WWP1: variants seen among roughly 807,000 people sequenced by gnomAD.
WWP1 encodes the protein WW domain containing E3 ubiquitin protein ligase 1, also known as NEDD4-like E3 ubiquitin-protein ligase WWP1.
Under a neutral mutation model 130.6 loss-of-function variants are expected in WWP1, and 49 were observed. That is an observed-to-expected ratio of 0.38 (90% CI 0.30 to 0.48). The LOEUF is 0.48. Among genes scored for constraint, WWP1 ranks in the 20% least tolerant of loss-of-function variants. WWP1 has a pLI of 0.99. For missense variants in WWP1, 809 were observed against 1,100.6 expected (o/e 0.74, Z 3.75); for synonymous variants, 332 against 367.8 (o/e 0.90, Z 1.11).
chr8:86,419,894 C>A (rs1024493801), intron 9 of WWP1, among the ~76,000 whole-genome samples: 1 of 152,078 alleles, frequency 6.6e-6, no homozygotes, highest in Admixed American at 6.5e-5. Context: ...AGAATCAACA[C>A]GAAAAGCTAG....
At position 86,448,485 on chromosome 8, in the gene WWP1, A is replaced by G; in HGVS notation, c.2245A>G (p.Thr749Ala). ...GTTGGGAGGTTCCAATATTCTGGTGACTGAGGAGAACAAAGATGAATATAT... is the reference window on the plus strand; with the variant it reads ...GTTGGGAGGTTCCAATATTCTGGTGGCTGAGGAGAACAAAGATGAATATAT... ...LKLGGSNILV[T>A]EENKDEYIGL... The change falls in exon 20 of 25, where the codon ACT becomes GCT. Residue 749 changes from threonine to alanine, a missense_variant. Thr to Ala is a moderately conservative substitution (Grantham distance 58, BLOSUM62 0). Transcript: ENST00000517970. The G allele has an allele frequency of 6.2e-7, 1 of 1,613,572 alleles. No homozygotes were observed. Among genetic ancestry groups the G allele is most frequent in the Non-Finnish European group, 8.5e-7 (1 of 1,179,842 alleles).
intron 24 of WWP1, among the ~76,000 whole-genome samples, chr8:86,464,730 G>T (rs1210215003): frequency 6.6e-6 from 1 of 152,040 alleles, no homozygotes; most frequent in Non-Finnish European, 1.5e-5. Flanking sequence ...TGTCCCAGGT[G>T]GGTCTTAAAC....
intron 7 of WWP1, among the ~76,000 whole-genome samples, chr8:86,401,565 AG>A (rs1416696907): frequency 3.4e-5 from 5 of 145,192 alleles, no homozygotes; most frequent in Admixed American, 2.0e-4. Flanking sequence ...AAAAAAAAAA[AG>A]TTTACAGTAG....
At chr8:86,422,528 A>AT (rs949666383) in intron 9 of WWP1, among the ~76,000 whole-genome samples, 36 of 146,278 alleles carry the variant, frequency 2.5e-4, no homozygotes, top group Non-Finnish European at 3.0e-4. Context: ...TGGCTGGCTA[A>AT]TTTTTTTTTT....
At chr8:86,362,063 C>CATATATATACACACATATATACACACAT (rs1563465475) in intron 1 of WWP1, among the ~76,000 whole-genome samples, 39 of 131,946 alleles carry the variant, frequency 3.0e-4, no homozygotes, top group Admixed American at 1.7e-3. Context: ...TATATACACA[C>CATATATATACACACATATATACACACAT]ATATATATAC....
chr8:86,393,875 G>C (rs958005006), intron 5 of WWP1, among the ~76,000 whole-genome samples: 15 of 152,296 alleles, frequency 9.8e-5, no homozygotes, highest in African/African-American at 3.1e-4. Flanking sequence ...AGAAGTGATG[G>C]TGTACAAACT....
chr8:86,374,307 C>T (rs1391467517), intron 3 of WWP1, among the ~76,000 whole-genome samples, 187 bp downstream of exon 3: 6 of 152,242 alleles, frequency 3.9e-5, no homozygotes. Context: ...ATTTATTGAA[C>T]CTATGCTGGA....
chr8:86,459,288 G>C (rs1811632907), intron 22 of WWP1, among the ~76,000 whole-genome samples: 1 of 151,162 alleles, frequency 6.6e-6, no homozygotes, highest in Non-Finnish European at 1.5e-5. Context: ...CATCTGCCTT[G>C]GCCTCCTGAA....
chr8:86,400,256 C>T (rs566295875), intron 7 of WWP1, among the ~76,000 whole-genome samples: 16 of 151,762 alleles, frequency 1.1e-4, no homozygotes, highest in Admixed American at 7.9e-4. Flanking sequence ...TGCTTGAACC[C>T]GGGAGGCGGA....
chr8:86,404,334 A>G (rs1051522705), intron 8 of WWP1, among the ~76,000 whole-genome samples: 12 of 152,332 alleles, frequency 7.9e-5, no homozygotes, highest in African/African-American at 2.9e-4. Context: ...CATTGGTGAA[A>G]GTATCCATTG....
rs35217518 is a variant in WWP1, at chr8:86,398,548, G to GT, written c.473-17dup. ...TAAGCAAGAAGTATATAAAAACCTA[G>GT]TTTTTTTCTTTCTTGTTGTTCAGTA... On this transcript the variant is annotated intron_variant, in intron 6 of 24. Transcript: ENST00000517970. 11 of 1,611,398 alleles carry GT rather than the reference G, an allele frequency of 6.8e-6. No individual in the cohort carries two copies. In the East Asian group the frequency reaches 1.6e-4, roughly 23 times the overall value.
intron 5 of WWP1, among the ~76,000 whole-genome samples, chr8:86,397,514 C>T (rs1341157876): frequency 6.6e-6 from 1 of 152,084 alleles, no homozygotes; most frequent in Non-Finnish European, 1.5e-5. Context: ...TTACTATGTA[C>T]ATTACATTGT....
intron 1 of WWP1, among the ~76,000 whole-genome samples, chr8:86,353,000 T>C (rs1365384253): frequency 6.6e-6 from 1 of 152,230 alleles, no homozygotes; most frequent in East Asian, 1.9e-4. Context: ...GTCTGATTGC[T>C]TTTCACTTAG....
At chr8:86,420,766 G>A (rs1029889690) in intron 9 of WWP1, among the ~76,000 whole-genome samples, 3 of 151,886 alleles carry the variant, frequency 2.0e-5, no homozygotes, top group African/African-American at 7.3e-5. Flanking sequence ...TTTATGTGAA[G>A]GTATATATAA....
At chr8:86,421,801 G>A (rs1196642629) in intron 9 of WWP1, among the ~76,000 whole-genome samples, 3 of 151,958 alleles carry the variant, frequency 2.0e-5, no homozygotes, top group Admixed American at 6.6e-5. Context: ...CCAGCCTGGG[G>A]GACAGAGCGA....
At position 86,431,467 on chromosome 8, in the gene WWP1, G is replaced by A. The variant is rs1031123469; in HGVS notation, c.1449G>A (p.Gln483=). The change falls in exon 13 of 25, where the codon CAG becomes CAA. Residue 483 remains glutamine, a synonymous_variant. Transcript: ENST00000517970. ...TGAATCATAACACAAAAACAACCCA[G>A]TGGGAAGATCCAAGAACTCAAGGGT... ...YFVNHNTKTT[Q]WEDPRTQGLQ... is the part of the protein sequence containing the mutation. 5 of 1,611,610 alleles carry A rather than the reference G, an allele frequency of 3.1e-6. No individual in the cohort carries two copies. Among genetic ancestry groups the A allele is most frequent in the Admixed American group, 3.3e-5 (2 of 59,774 alleles).
chr8:86,425,197 C>G (rs374006142), intron 9 of WWP1, 26 bp from the exon 10 acceptor site: 4 of 1,578,218 alleles, frequency 2.5e-6, no homozygotes, highest in Non-Finnish European at 3.5e-6. Context: ...TTGTCTCTTA[C>G]TGTTATTTTT....
chr8:86,374,198 C>T, intron 3 of WWP1, 78 bp downstream of exon 3: 1 of 1,204,148 alleles, frequency 8.3e-7, no homozygotes, highest in South Asian at 1.4e-5. Context: ...AGACTTATTC[C>T]AGAAATAGAA....
chr8:86,454,289 T>A (rs1811327016), intron 21 of WWP1, among the ~76,000 whole-genome samples: 1 of 152,118 alleles, frequency 6.6e-6, no homozygotes, highest in South Asian at 2.1e-4. Flanking sequence ...TATTTTTAAT[T>A]TTTTTATTTT....
Sources: allele counts gnomAD v4.1 joint callset (sites outside exome capture counted in the v4.1 genomes callset), GRCh38; gene constraint gnomAD v4.1.1; transcripts MANE v1.5; gene names NCBI Gene and HGNC (gene_info 2026-07-23, HGNC 2026-07-21).